The following CELSR1 variants were observed in gnomAD, a reference collection of about 807,000 sequenced individuals.
CELSR1 encodes cadherin EGF LAG seven-pass G-type receptor 1, also known as adhesion G protein-coupled receptor C1.
Under a neutral mutation model 249.1 loss-of-function variants are expected in CELSR1, and 110 were observed. The ratio of observed to expected loss-of-function variants is 0.44; its 90% confidence interval spans 0.38 to 0.52. The LOEUF (loss-of-function observed/expected upper bound fraction) is 0.52, where lower values mean the gene tolerates loss of function less well. CELSR1 is among the 20% of genes least tolerant of loss of function. The probability of loss-of-function intolerance (pLI) is 0.00; values close to 1 mark genes in which losing one functional copy is unlikely to be tolerated. For missense variants in CELSR1, 4,109 were observed against 4,296.4 expected, an observed-to-expected ratio of 0.96 and a Z score of 1.22; for synonymous variants, 2,113 against 1,900.0, an observed-to-expected ratio of 1.11 and a Z score of -2.92.
chr22:46,537,453 C>T lies in CELSR1; in HGVS notation c.-283G>A, dbSNP rs1254133841. Among the ~76,000 whole-genome samples, 1 of 149,360 alleles carries T rather than the reference C, an allele frequency of 6.7e-6. No homozygotes were observed. The highest frequency in any genetic ancestry group is 1.5e-5 in the Non-Finnish European group (1 of 67,168). ...GGCGCCGCGCATCAACCTGCGGCGG[C>T]GGCGGCGGCTCCAGGCGGCTCCAGG... On this transcript the variant is annotated 5_prime_UTR_variant, in exon 1 of 35. Coordinates refer to ENST00000674500, the MANE Select transcript of CELSR1 (RefSeq NM_001378328.1). This position sits in a 1 kb window ranked among gnomAD's most constrained non-coding sequence, Gnocchi z 5.8.
chr22:46,383,823 C>T (rs529982095), intron 20 of CELSR1, among the ~76,000 whole-genome samples: 6 of 152,214 alleles, frequency 3.9e-5, no homozygotes, highest in Admixed American at 6.5e-5. Context: ...TGAGCCACTG[C>T]GCCCAGCTAG....
At chr22:46,369,003 C>T in intron 27 of CELSR1, 176 bp downstream of exon 27, 1 of 611,918 alleles carries the variant, frequency 1.6e-6, no homozygotes, top group South Asian at 1.9e-5. Flanking sequence ...CCTCCCCCAG[C>T]CCCTGCAGGT....
chr22:46,483,971 C>T (rs1228992978), intron 1 of CELSR1, among the ~76,000 whole-genome samples: 1 of 152,210 alleles, frequency 6.6e-6, no homozygotes, highest in Non-Finnish European at 1.5e-5. Flanking sequence ...AAGGCACTGG[C>T]ACCAACAGGC....
intron 1 of CELSR1, among the ~76,000 whole-genome samples, chr22:46,494,923 C>T (rs2080399097): frequency 6.6e-6 from 1 of 152,286 alleles, no homozygotes; most frequent in East Asian, 1.9e-4. Context: ...TCATTTATTG[C>T]CAGCACACAG....
rs928652145 is a variant in CELSR1 at position 46,468,609 on chromosome 22, T to C, written c.3545-4264A>G. Among the ~76,000 whole-genome samples the C allele has an allele frequency of 6.6e-6, 1 of 151,852 alleles. No homozygotes were observed. Among genetic ancestry groups the C allele is most frequent in the African/African-American group, 2.4e-5 (1 of 41,334 alleles). On this transcript the variant is annotated intron_variant, in intron 1 of 34. Transcript: ENST00000674500. This position sits in a 1 kb window ranked among gnomAD's most constrained non-coding sequence, Gnocchi z 4.5. ...TGGGTGCCACGGGTGGGGAGGCAGA[T>C]TGGGGAGCTGTTGTTTAGTGGGTGT...
At position 46,447,596 on chromosome 22, in the gene CELSR1, A is replaced by G. The variant is rs940749235; in HGVS notation, c.4184-8185T>C. On this transcript the variant is annotated intron_variant, in intron 2 of 34. Transcript: ENST00000674500. This position sits in a 1 kb window ranked among gnomAD's most constrained non-coding sequence, Gnocchi z 4.7. ...CAAAAGCTCCCCCTCTCCCCGTAGG[A>G]GGGACGCAGGGCTCAGCTTCCTGGC... is the stretch of plus-strand genomic sequence containing the variant. 1.3e-5 allele frequency among the ~76,000 whole-genome samples: 2 copies of G among 152,142 alleles called. No homozygotes were observed. Among genetic ancestry groups the G allele is most frequent in the African/African-American group, 2.4e-5 (1 of 41,434 alleles).
rs2079546962 is a variant in CELSR1 at position 46,427,232 on chromosome 22, C to T, written c.4611+6161G>A. On this transcript the variant is annotated intron_variant, in intron 5 of 34. Transcript: ENST00000674500. This position sits in a 1 kb window ranked among gnomAD's most constrained non-coding sequence, Gnocchi z 4.2. ...CAGATCTGGATTTCTAAATGCCACCCTCCACTAAAAGAACCAGGCTCGGCC... is the reference window on the plus strand; with the variant it reads ...CAGATCTGGATTTCTAAATGCCACCTTCCACTAAAAGAACCAGGCTCGGCC... Among the ~76,000 whole-genome samples, 1 of 152,164 alleles carries T rather than the reference C, an allele frequency of 6.6e-6. No homozygotes were observed. Among genetic ancestry groups the T allele is most frequent in the Non-Finnish European group, 1.5e-5 (1 of 68,030 alleles).
chr22:46,418,643 C>T (rs1027145759), intron 5 of CELSR1, among the ~76,000 whole-genome samples: 1 of 152,248 alleles, frequency 6.6e-6, no homozygotes, highest in Non-Finnish European at 1.5e-5. Context: ...GCAAAGCCAC[C>T]TGCAGCTTGG....
Position 46,378,812 on chromosome 22 carries a change from G to A in CELSR1, c.7257-95C>T, listed in dbSNP as rs912406114. 9 of 1,463,238 alleles carry A rather than the reference G, an allele frequency of 6.2e-6. No individual in the cohort carries two copies. In the African/African-American group the frequency reaches 1.1e-4, roughly 18 times the overall value. 90.6% of individuals were successfully genotyped at this position (1,463,238 alleles called of 1,614,324 possible). Reference sequence around the variant, plus strand: ...CTTTGCCCAGCCCTGGGGGCTCCCAGGCCATCCTGGCCAAACCAAACAGCA... The same window carrying A: ...CTTTGCCCAGCCCTGGGGGCTCCCAAGCCATCCTGGCCAAACCAAACAGCA... On this transcript the variant is annotated intron_variant, in intron 22 of 34. Transcript: ENST00000674500.
intron 2 of CELSR1, among the ~76,000 whole-genome samples, chr22:46,461,399 C>A (rs371545537): frequency 3.9e-5 from 6 of 152,192 alleles, no homozygotes; most frequent in East Asian, 1.9e-4. Context: ...TGGGTTCCCC[C>A]CAATGGGTCA....
chr22:46,419,628 T>G (rs1226477825), intron 5 of CELSR1, among the ~76,000 whole-genome samples: 2 of 152,156 alleles, frequency 1.3e-5, no homozygotes, highest in Non-Finnish European at 2.9e-5. Context: ...TCAGGAAGGA[T>G]GGCAGGTGGG....
rs1260572551 is a variant in CELSR1 at position 46,533,623 on chromosome 22, T to G, written c.3544+4A>C. 3 of 1,548,516 alleles carry G rather than the reference T, an allele frequency of 1.9e-6. No homozygotes were observed. Among genetic ancestry groups the G allele is most frequent in the Non-Finnish European group, 2.6e-6 (3 of 1,151,628 alleles). On this transcript the variant is annotated splice_donor_region_variant and intron_variant, in intron 1 of 34. Transcript: ENST00000674500. The stretch of plus-strand genomic sequence containing the variant: ...CTACTCCTCCCACCCCGACGGCCAC[T>G]CACCAGACACAGACACCTCCATGAG...
In CELSR1 at chr22:46,386,496, C is replaced by G; in HGVS notation, c.6645G>C (p.Gln2215His). ...AGTAGCCCTCGAGGCGCCGGAGCAGCTGTGCCGTGCCGCCCTCGCTCCGCT... is the reference window on the plus strand; with the variant it reads ...AGTAGCCCTCGAGGCGCCGGAGCAGGTGTGCCGTGCCGCCCTCGCTCCGCT... ...QIQRSEGGTA[Q>H]LLRRLEGYFS... Residue 2215 changes from glutamine (Q) to histidine (H), a missense_variant, in exon 19 of 35, where the codon CAG (glutamine) becomes CAC (histidine). Gln to His is a conservative substitution (Grantham distance 24). Around this residue, in one of 7 missense-constraint regions of CELSR1, gnomAD observed 1,805 missense variants for 1,831.6 expected, o/e 0.99. Transcript: ENST00000674500. 6.3e-7 allele frequency: 1 copy of G among 1,599,406 alleles called. No homozygotes were observed. Among genetic ancestry groups the G allele is most frequent in the Non-Finnish European group, 8.5e-7 (1 of 1,173,820 alleles).
chr22:46,441,628 A>AT lies in CELSR1; in HGVS notation c.4184-2218dup, dbSNP rs2079750501. ...CTAGCAGACGGTGCCTTCTTGCCGC[A>AT]TAAGGGAGAGGGCTGTGGTCTCTTC... On this transcript the variant is annotated intron_variant, in intron 2 of 34. Transcript: ENST00000674500. This position sits in a 1 kb window ranked among gnomAD's most constrained non-coding sequence, Gnocchi z 6.1. 2.0e-5 allele frequency among the ~76,000 whole-genome samples: 3 copies of AT among 152,028 alleles called. No individual in the cohort carries two copies. Among genetic ancestry groups the AT allele is most frequent in the Admixed American group, 6.5e-5 (1 of 15,278 alleles).
In CELSR1 at chr22:46,464,168, T is replaced by A. The variant is rs2080069669; in HGVS notation, c.3722A>T (p.Asp1241Val). Residue 1241 changes from aspartate (D) to valine (V), a missense_variant, in exon 2 of 35, where the codon GAC becomes GTC. This residue lies in a region of CELSR1 where 141 missense variants were observed against 209.4 expected (regional missense o/e 0.67). Transcript: ENST00000674500. The surrounding 1 kb of genome is among the most constrained non-coding windows in gnomAD (Gnocchi z 8.5). ...GTTCTGGACGTTGAAGACGAAGACG[T>A]CGTCCTTGGTGGTGGACAGCACGGC... ...VAAVLSTTKD[D>V]VFVFNVQNDT... The A allele has an allele frequency of 6.2e-7, 1 of 1,613,546 alleles. No individual in the cohort carries two copies. Among genetic ancestry groups the A allele is most frequent in the African/African-American group, 1.3e-5 (1 of 74,886 alleles).
In CELSR1 at chr22:46,427,792, G is replaced by A. The variant is rs2079552431; in HGVS notation, c.4611+5601C>T. Among the ~76,000 whole-genome samples the A allele has an allele frequency of 6.6e-6, 1 of 152,150 alleles. No individual in the cohort carries two copies. On this transcript the variant is annotated intron_variant, in intron 5 of 34. Coordinates refer to ENST00000674500, the MANE Select transcript of CELSR1 (RefSeq NM_001378328.1). This position sits in a 1 kb window ranked among gnomAD's most constrained non-coding sequence, Gnocchi z 4.2. Reference sequence around the variant, plus strand: ...AGGGAGGGAAAGGGAAGGCTACGTGGCCTCACCCAGGGGACCACACAACTG... The same window carrying A: ...AGGGAGGGAAAGGGAAGGCTACGTGACCTCACCCAGGGGACCACACAACTG...
rs2080342198 is a variant in CELSR1 at position 46,488,949 on chromosome 22, A to T, written c.3545-24604T>A. On this transcript the variant is annotated intron_variant, in intron 1 of 34. Coordinates refer to ENST00000674500, the MANE Select transcript of CELSR1 (RefSeq NM_001378328.1). The surrounding 1 kb of genome is among the most constrained non-coding windows in gnomAD (Gnocchi z 4.7). ...GTTGGGATTACAGGCGGAAGCCACC[A>T]CGCCCAGCCCAGCCCTGCCCTTTTG... is the stretch of plus-strand genomic sequence containing the variant. 6.7e-6 allele frequency among the ~76,000 whole-genome samples: 1 copy of T among 150,050 alleles called. No individual in the cohort carries two copies. Among genetic ancestry groups the T allele is most frequent in the Non-Finnish European group, 1.5e-5 (1 of 67,550 alleles).
At chr22:46,493,545 CAAAAAA>C (rs35527058) in intron 1 of CELSR1, among the ~76,000 whole-genome samples, 1 of 124,746 alleles carries the variant, frequency 8.0e-6, no homozygotes. Flanking sequence ...GACTCCGTCT[CAAAAAA>C]AAAAAAAAAA....
At position 46,457,563 on chromosome 22, in the gene CELSR1, C is replaced by G. The variant is rs960604101; in HGVS notation, c.4183+6144G>C. Among the ~76,000 whole-genome samples the G allele has an allele frequency of 3.9e-5, 6 of 152,320 alleles. 1 individual carries two copies. In the South Asian group the frequency reaches 1.2e-3, roughly 32 times the overall value. ...GAAAAACCCGCCTTTCCTGTGATAT[C>G]AGAGCTGCCACTCAGGAATGCGCCC... On this transcript the variant is annotated intron_variant, in intron 2 of 34. Transcript: ENST00000674500.
Sources: gnomAD v4.1 joint callset for allele counts (sites outside exome capture counted in the v4.1 genomes callset) on GRCh38, gnomAD v4.1.1 for gene constraint, gnomAD v4.1.1 regional missense constraint, Gnocchi (gnomAD v3.1) non-coding constraint, MANE v1.5 for transcripts, NCBI Gene and HGNC (gene_info 2026-07-23, HGNC 2026-07-21) for gene names.